Variants in RARB observed in about 807,000 individuals in gnomAD.
RARB encodes the protein HBV-activated protein.
A neutral mutation model predicts 51.9 loss-of-function variants in RARB; 17 were observed. That is an observed-to-expected ratio of 0.33 (90% CI 0.22 to 0.49). The LOEUF is 0.49. Ranked by LOEUF, RARB falls within the 20% of genes least tolerant of loss-of-function variation. The pLI, the probability that RARB is intolerant of heterozygous loss-of-function variation, is 0.99. For synonymous variants in RARB, 215 were observed against 195.4 expected (o/e 1.10, Z -0.84); for missense variants, 369 against 550.8 (o/e 0.67, Z 3.30).
intron 5 of RARB, among the ~76,000 whole-genome samples, chr3:25,310,117 C>A (rs771009219): frequency 1.3e-5 from 2 of 152,166 alleles, no homozygotes; most frequent in Non-Finnish European, 2.9e-5. Flanking sequence ...TCCAGGCCAA[C>A]CATTTGTCTG....
chr3:25,453,986 G>T (rs1339185773), intron 1 of RARB, among the ~76,000 whole-genome samples: 3 of 152,144 alleles, frequency 2.0e-5, no homozygotes, highest in Non-Finnish European at 4.4e-5. Context: ...TTCAGGATGC[G>T]ATTCACAGAT....
At chr3:24,975,143 G>C (rs903717674) in intron 2 of RARB, among the ~76,000 whole-genome samples, 1 of 152,144 alleles carries the variant, frequency 6.6e-6, no homozygotes, top group African/African-American at 2.4e-5. Flanking sequence ...ATAAGGATTT[G>C]GGGTTAGAAT....
chr3:25,595,677 C>G (rs1701791057), intron 7 of RARB, among the ~76,000 whole-genome samples: 1 of 152,178 alleles, frequency 6.6e-6, no homozygotes, highest in Non-Finnish European at 1.5e-5. Context: ...ACAAGAGGTT[C>G]TCGAGCACTT....
At chr3:25,234,665 C>T (rs565743471) in intron 5 of RARB, among the ~76,000 whole-genome samples, 2 of 151,882 alleles carry the variant, frequency 1.3e-5, no homozygotes, top group Admixed American at 6.6e-5. Context: ...CATAGTCTCT[C>T]GTCCCAAATA....
chr3:25,403,697 C>T (rs1707326752), intron 5 of RARB, among the ~76,000 whole-genome samples: 1 of 151,584 alleles, frequency 6.6e-6, no homozygotes, highest in African/African-American at 2.4e-5. Flanking sequence ...ACTGTATTAC[C>T]ATCTTAATAA....
At chr3:25,114,548 C>G (rs1229625984) in intron 3 of RARB, among the ~76,000 whole-genome samples, 1 of 152,178 alleles carries the variant, frequency 6.6e-6, no homozygotes, top group African/African-American at 2.4e-5. Flanking sequence ...CCACTTGCCA[C>G]CACCTCCCAT....
intron 5 of RARB, among the ~76,000 whole-genome samples, chr3:25,319,770 GA>G (rs1422630424): frequency 1.3e-5 from 2 of 152,172 alleles, no homozygotes; most frequent in African/African-American, 4.8e-5. Flanking sequence ...TTGCCATCCA[GA>G]AAGGAGAGAT....
intron 5 of RARB, among the ~76,000 whole-genome samples, chr3:25,266,447 TAAG>T (rs1195367001): frequency 6.6e-6 from 1 of 152,156 alleles, no homozygotes; most frequent in Non-Finnish European, 1.5e-5. Flanking sequence ...TTTTATATAT[TAAG>T]AATATTATAT....
At position 25,077,867 on chromosome 3, in the gene RARB, C is replaced by T. The variant is rs536889656; in HGVS notation, c.-328+17691C>T. Among the ~76,000 whole-genome samples the T allele has an allele frequency of 7.9e-5, 12 of 152,198 alleles. No homozygotes were observed. In the East Asian group the frequency reaches 1.7e-3, roughly 22 times the overall value. ...ACCAACGTGCATTATTGTGATTCTT[C>T]GTAATTGTAGCCATGTTTTTGGTAT... On this transcript the variant is annotated intron_variant, in intron 3 of 11. Coordinates refer to the RARB transcript ENST00000383772.
chr3:25,579,665 C>T (rs1423497885), intron 4 of RARB, among the ~76,000 whole-genome samples: 2 of 152,172 alleles, frequency 1.3e-5, no homozygotes. Context: ...TTTCTCTCTC[C>T]ACTTGTTTTT....
intron 3 of RARB, among the ~76,000 whole-genome samples, chr3:25,071,090 G>A (rs2125308415): frequency 6.6e-6 from 1 of 152,260 alleles, no homozygotes; most frequent in Non-Finnish European, 1.5e-5. Context: ...GATTTAATGG[G>A]CTTCTTAAAA....
At chr3:25,363,107 A>C (rs1706003987) in intron 5 of RARB, among the ~76,000 whole-genome samples, 1 of 152,188 alleles carries the variant, frequency 6.6e-6, no homozygotes, top group Non-Finnish European at 1.5e-5. Context: ...AAGAGTGCAA[A>C]ATTGGATAGG....
chr3:25,368,106 G>A (rs537108045), intron 5 of RARB, among the ~76,000 whole-genome samples: 1 of 152,238 alleles, frequency 6.6e-6, no homozygotes, highest in South Asian at 2.1e-4. Context: ...GGGGGTAGGG[G>A]CTTGAAAATC....
intron 5 of RARB, among the ~76,000 whole-genome samples, chr3:25,420,864 A>G (rs1707837937): frequency 4.6e-5 from 7 of 152,052 alleles, no homozygotes; most frequent in Admixed American, 4.6e-4. Context: ...GGATGGATGG[A>G]TGGAAAGATA....
intron 2 of RARB, among the ~76,000 whole-genome samples, chr3:24,885,516 G>T (rs1334733062): frequency 6.6e-6 from 1 of 152,162 alleles, no homozygotes; most frequent in East Asian, 1.9e-4. Flanking sequence ...GTTTTAAGAT[G>T]TGTTCATAGA....
At chr3:24,950,711 A>AG (rs1263694238) in intron 2 of RARB, among the ~76,000 whole-genome samples, 2 of 124,496 alleles carry the variant, frequency 1.6e-5, no homozygotes, top group East Asian at 2.5e-4. Flanking sequence ...AAGCAGGAAA[A>AG]GGAAAAAAAA....
intron 5 of RARB, among the ~76,000 whole-genome samples, chr3:25,590,768 C>T (rs1701583770): frequency 6.6e-6 from 1 of 152,198 alleles, no homozygotes; most frequent in African/African-American, 2.4e-5. Context: ...GATCTATCCG[C>T]CTTGCCCTCC....
intron 2 of RARB, among the ~76,000 whole-genome samples, chr3:24,966,550 C>A (rs1696276887): frequency 6.6e-6 from 1 of 151,698 alleles, no homozygotes; most frequent in African/African-American, 2.4e-5. Flanking sequence ...TGATTAAGTA[C>A]AGGAATGTCA....
chr3:25,174,213 CAAA>C, exon 5 of RARB: 1 of 358,412 alleles, frequency 2.8e-6, no homozygotes, highest in Admixed American at 3.8e-5. Context: ...ATCAGTGTAG[CAAA>C]ATGACAGGCA....
Sources: gnomAD v4.1 joint callset for allele counts (sites outside exome capture counted in the v4.1 genomes callset) on GRCh38, gnomAD v4.1.1 for gene constraint, MANE v1.5 for transcripts, NCBI Gene and HGNC (gene_info 2026-07-23, HGNC 2026-07-21) for gene names.